Variants in SNTG1 observed in about 807,000 individuals in gnomAD.
SNTG1 encodes the protein gamma-1-syntrophin.
Under a neutral mutation model 74.7 loss-of-function variants are expected in SNTG1, and 39 were observed. The ratio of observed to expected loss-of-function variants is 0.52; its 90% CI spans 0.40 to 0.68. SNTG1 has a LOEUF of 0.68. SNTG1 is among the 30% of genes least tolerant of loss of function. The pLI, the probability that SNTG1 is intolerant of heterozygous loss-of-function variation, is 0.00. For synonymous variants in SNTG1, 254 were observed against 217.1 expected (o/e 1.17, Z -1.49); for missense variants, 685 against 609.5 (o/e 1.12, Z -1.30).
chr8:50,352,614 C>T (rs1173541677), intron 2 of SNTG1, among the ~76,000 whole-genome samples: 5 of 152,018 alleles, frequency 3.3e-5, no homozygotes, highest in Admixed American at 3.3e-4. Flanking sequence ...TGGTCATGAA[C>T]TCCTGACCTC....
chr8:50,278,701 A>AG (rs1377832134), intron 2 of SNTG1, among the ~76,000 whole-genome samples: 1 of 152,020 alleles, frequency 6.6e-6, no homozygotes, highest in African/African-American at 2.4e-5. Context: ...TGCTAAAAAA[A>AG]AATTTGGAAA....
chr8:50,554,178 C>T (rs946414650), intron 12 of SNTG1, among the ~76,000 whole-genome samples: 4 of 152,218 alleles, frequency 2.6e-5, no homozygotes, highest in African/African-American at 9.6e-5. Flanking sequence ...GACCACTAGC[C>T]AATAAAGGCA....
At chr8:50,326,708 G>A (rs1314204791) in intron 2 of SNTG1, among the ~76,000 whole-genome samples, 1 of 149,704 alleles carries the variant, frequency 6.7e-6, no homozygotes, top group Non-Finnish European at 1.5e-5. Flanking sequence ...TTTGCTCTAA[G>A]TTTATTATTT....
At chr8:50,318,180 T>A (rs28607203) in intron 2 of SNTG1, among the ~76,000 whole-genome samples, 11,303 of 152,188 alleles carry the variant, frequency 0.074, 464 homozygotes, top group African/African-American at 0.1. Flanking sequence ...TCTTGCTCCC[T>A]GGACTTGAGA....
intron 1 of SNTG1, among the ~76,000 whole-genome samples, chr8:50,103,981 T>G (rs2080259739): frequency 1.3e-5 from 2 of 152,166 alleles, no homozygotes; most frequent in East Asian, 3.9e-4. Flanking sequence ...TATTGAGGAT[T>G]TTTGCATCAA....
chr8:50,313,458 C>T lies in SNTG1; in HGVS notation c.-27-80754C>T, dbSNP rs1366707006. Among the ~76,000 whole-genome samples, 4 of 149,462 alleles carry T rather than the reference C, an allele frequency of 2.7e-5. 1 individual carries two copies. In the Admixed American group the frequency reaches 2.7e-4, roughly 10 times the overall value. ...TCAAAATATGGCAGGAATTCAACTC[C>T]ATAGCAGGAAAACAATCCTGTGAAA... On this transcript the variant is annotated intron_variant, in intron 2 of 18. Transcript: ENST00000642720.
intron 4 of SNTG1, among the ~76,000 whole-genome samples, chr8:50,422,684 G>A (rs914477178): frequency 1.3e-5 from 2 of 152,128 alleles, no homozygotes; most frequent in Non-Finnish European, 2.9e-5. Context: ...CCACAGGAGT[G>A]GGGTTGGTGG....
rs550548775 is a variant in SNTG1 at position 50,041,297 on chromosome 8, T to C, written c.-103+129066T>C. ...TTCAAATGTCAATTGCTGTTGGAGA[T>C]GAATGGTGGGTACAGGCAGAGTCAC... On this transcript the variant is annotated intron_variant, in intron 1 of 18. Transcript: ENST00000642720. 6.6e-5 allele frequency among the ~76,000 whole-genome samples: 10 copies of C among 152,344 alleles called. No individual in the cohort carries two copies. The East Asian group carries it at 1.4e-3, about 21-fold the overall frequency.
At chr8:50,453,031 GGTATGGAAGCATGTT>G (rs2093471122) in intron 8 of SNTG1, among the ~76,000 whole-genome samples, 1 of 152,158 alleles carries the variant, frequency 6.6e-6, no homozygotes, top group African/African-American at 2.4e-5. Flanking sequence ...AAATTGGGCA[GGTATGGAAGCATGTT>G]GTTTGTGCAT....
intron 2 of SNTG1, among the ~76,000 whole-genome samples, chr8:50,371,638 C>G (rs539584617): frequency 3.3e-5 from 5 of 152,208 alleles, no homozygotes; most frequent in African/African-American, 1.2e-4. Flanking sequence ...TTTTTTAGGT[C>G]TTTTACTATT....
chr8:50,784,607 C>G (rs2095669502), intron 18 of SNTG1, among the ~76,000 whole-genome samples: 1 of 152,154 alleles, frequency 6.6e-6, no homozygotes, highest in Admixed American at 6.6e-5. Flanking sequence ...CAGTACCCCA[C>G]TGTAACTAAT....
chr8:50,243,247 A>G (rs1403214485), intron 2 of SNTG1, among the ~76,000 whole-genome samples: 1 of 152,164 alleles, frequency 6.6e-6, no homozygotes, highest in Non-Finnish European at 1.5e-5. Flanking sequence ...ACCCAAAACT[A>G]TGTGACAGTA....
intron 3 of SNTG1, among the ~76,000 whole-genome samples, chr8:50,394,844 AACT>A (rs1563328508): frequency 1.3e-5 from 1 of 76,564 alleles, no homozygotes. Flanking sequence ...AAGAAAAACT[AACT>A]TTTTTTTTTT....
At chr8:50,736,679 A>G (rs1308264162) in intron 17 of SNTG1, among the ~76,000 whole-genome samples, 1 of 152,098 alleles carries the variant, frequency 6.6e-6, no homozygotes, top group Non-Finnish European at 1.5e-5. Context: ...ATTGGAAGAA[A>G]AAACACTCCC....
At chr8:50,259,508 AAAAG>A (rs555536386) in intron 2 of SNTG1, among the ~76,000 whole-genome samples, 160 of 15,750 alleles carry the variant, frequency 0.01, 6 homozygotes, top group Middle Eastern at 0.033. Flanking sequence ...CAAAAAAAAA[AAAAG>A]AAAGAAAGAA....
intron 2 of SNTG1, among the ~76,000 whole-genome samples, chr8:50,331,676 G>C (rs1015822560): frequency 7.2e-5 from 11 of 152,166 alleles, no homozygotes; most frequent in Non-Finnish European, 1.5e-5. Flanking sequence ...CTGCATGAGA[G>C]ATAGCAGTAG....
chr8:50,010,146 T>G (rs1037265238), intron 1 of SNTG1, among the ~76,000 whole-genome samples: 1 of 152,184 alleles, frequency 6.6e-6, no homozygotes, highest in Non-Finnish European at 1.5e-5. Flanking sequence ...CAATTAAGGA[T>G]TTTGCTCTTA....
intron 17 of SNTG1, among the ~76,000 whole-genome samples, chr8:50,746,141 T>G (rs2095554679): frequency 6.6e-6 from 1 of 152,054 alleles, no homozygotes; most frequent in South Asian, 2.1e-4. Context: ...ATAGATAATG[T>G]AAAAATACAT....
At chr8:50,404,837 C>A (rs1208432171) in intron 4 of SNTG1, among the ~76,000 whole-genome samples, 4 of 152,066 alleles carry the variant, frequency 2.6e-5, no homozygotes, top group African/African-American at 9.7e-5. Flanking sequence ...CCCCTGGTAA[C>A]CACTGTTCTA....
Sources: allele counts gnomAD v4.1 joint callset (sites outside exome capture counted in the v4.1 genomes callset), GRCh38; gene constraint gnomAD v4.1.1; transcripts MANE v1.5; gene names NCBI Gene and HGNC (gene_info 2026-07-23, HGNC 2026-07-21).